The following SCLT1 variants were observed in gnomAD, a reference collection of about 807,000 sequenced individuals.
The protein encoded by SCLT1 is sodium channel and clathrin linker 1, also known as sodium channel-associated protein 1.
Under a neutral mutation model 112.8 loss-of-function variants are expected in SCLT1, and 78 were observed. That is an observed-to-expected ratio of 0.69 (90% CI 0.58 to 0.83). The LOEUF is 0.83. SCLT1 is among the 40% of genes least tolerant of loss of function. The pLI, the probability that SCLT1 is intolerant of heterozygous loss-of-function variation, is 0.00. For synonymous variants in SCLT1, 257 were observed against 254.7 expected, an observed-to-expected ratio of 1.01 and a Z score of -0.09; for missense variants, 747 against 770.4, an observed-to-expected ratio of 0.97 and a Z score of 0.36.
chr4:128,936,116 CT>C (rs11402194), intron 18 of SCLT1, among the ~76,000 whole-genome samples: 1,673 of 150,662 alleles, frequency 0.011, 12 homozygotes, highest in Non-Finnish European at 0.019. Context: ...ACAGTCTATT[CT>C]TTTTTTTTAA....
chr4:129,017,124 T>TA (rs1745060110), intron 5 of SCLT1, among the ~76,000 whole-genome samples: 1 of 152,160 alleles, frequency 6.6e-6, no homozygotes, highest in Non-Finnish European at 1.5e-5. Flanking sequence ...AAATATAGCT[T>TA]AAAAATTTTT....
At chr4:129,050,518 C>G (rs1413211834) in intron 2 of SCLT1, among the ~76,000 whole-genome samples, 1 of 152,126 alleles carries the variant, frequency 6.6e-6, no homozygotes, top group African/African-American at 2.4e-5. Flanking sequence ...TGTTTGTTGG[C>G]AGCATAAATG....
chr4:129,056,405 T>C (rs902758053), intron 2 of SCLT1, among the ~76,000 whole-genome samples: 1 of 152,204 alleles, frequency 6.6e-6, no homozygotes, highest in Non-Finnish European at 1.5e-5. Flanking sequence ...TTTTGGTTAC[T>C]ATAGCTTTAT....
chr4:128,918,079 G>GT (rs1291595120), intron 18 of SCLT1, among the ~76,000 whole-genome samples: 1 of 152,160 alleles, frequency 6.6e-6, no homozygotes, highest in African/African-American at 2.4e-5. Context: ...ACCCTTAGTT[G>GT]AAGTTCTCAC....
chr4:128,942,943 T>A, intron 17 of SCLT1, 53 bp downstream of exon 17: 1 of 1,373,834 alleles, frequency 7.3e-7, no homozygotes, highest in East Asian at 2.3e-5. Flanking sequence ...CTCTAAATAT[T>A]CTCTATACTT....
intron 13 of SCLT1, 138 bp downstream of exon 13, chr4:128,956,888 T>G: frequency 1.9e-6 from 1 of 531,780 alleles, no homozygotes; most frequent in East Asian, 3.2e-5. Flanking sequence ...TTTTAAACAC[T>G]TAGGTTAATA....
intron 17 of SCLT1, among the ~76,000 whole-genome samples, chr4:128,937,809 C>T (rs1421301092): frequency 1.3e-5 from 2 of 152,130 alleles, no homozygotes; most frequent in Non-Finnish European, 1.5e-5. Flanking sequence ...TAAGTAAATG[C>T]TCTTTGGATA....
At chr4:129,054,644 G>A (rs1178969160) in intron 2 of SCLT1, among the ~76,000 whole-genome samples, 1 of 152,052 alleles carries the variant, frequency 6.6e-6, no homozygotes, top group Admixed American at 6.6e-5. Context: ...ATAGTTAGCA[G>A]CTCCTGTAAC....
At chr4:128,981,876 A>T (rs983141498) in intron 9 of SCLT1, among the ~76,000 whole-genome samples, 2 of 152,138 alleles carry the variant, frequency 1.3e-5, no homozygotes, top group East Asian at 1.9e-4. Context: ...AATAATTTGG[A>T]TTATATCCTA....
intron 16 of SCLT1, 85 bp downstream of exon 16, chr4:128,945,922 C>CA (rs899091825): frequency 1.9e-4 from 157 of 846,460 alleles, no homozygotes; most frequent in South Asian, 5.3e-4. Context: ...TAAGTCCTAC[C>CA]AAAAAAAAGA....
At chr4:128,949,244 A>G (rs1738479552) in intron 14 of SCLT1, among the ~76,000 whole-genome samples, 2 of 143,810 alleles carry the variant, frequency 1.4e-5, no homozygotes, top group South Asian at 4.4e-4. Context: ...TTCGTGAGAC[A>G]GGTGCACATG....
chr4:128,916,237 T>G (rs532468797), intron 18 of SCLT1, among the ~76,000 whole-genome samples: 1 of 152,324 alleles, frequency 6.6e-6, no homozygotes, highest in African/African-American at 2.4e-5. Flanking sequence ...TTGGGTATTT[T>G]CAGGTAAGTG....
At chr4:128,912,704 C>G (rs1156264983) in intron 18 of SCLT1, among the ~76,000 whole-genome samples, 1 of 151,996 alleles carries the variant, frequency 6.6e-6, no homozygotes, top group African/African-American at 2.4e-5. Flanking sequence ...TTCCCCTCCT[C>G]CTCTTCCCCT....
At chr4:129,012,356 T>C (rs1744608189) in intron 5 of SCLT1, among the ~76,000 whole-genome samples, 1 of 151,966 alleles carries the variant, frequency 6.6e-6, no homozygotes, top group African/African-American at 2.4e-5. Flanking sequence ...ATTTCTGTTT[T>C]GGCTTCTAAT....
chr4:129,071,854 T>A (rs990759640), intron 2 of SCLT1, among the ~76,000 whole-genome samples: 22 of 152,134 alleles, frequency 1.4e-4, no homozygotes, highest in African/African-American at 5.1e-4. Context: ...CTGTTGCCAG[T>A]GTACTTTGGT....
chr4:128,924,758 G>C (rs539274294), intron 18 of SCLT1, among the ~76,000 whole-genome samples: 2 of 152,148 alleles, frequency 1.3e-5, no homozygotes, highest in East Asian at 3.9e-4. Context: ...GGCGTGGCAC[G>C]TAAGCTCTGA....
rs756720802 is a variant in SCLT1 at position 128,948,604 on chromosome 4, T to C, written c.1219-34A>G. ...TCAAGTCATATTGTAAATATATACATTTGGTAACATCTTAAGAAAAGTGGG... is the reference window on the plus strand; with the variant it reads ...TCAAGTCATATTGTAAATATATACACTTGGTAACATCTTAAGAAAAGTGGG... On this transcript the variant is annotated intron_variant, in intron 14 of 20. Transcript: ENST00000281142. The C allele has an allele frequency of 2.0e-6, 3 of 1,469,728 alleles. No individual in the cohort carries two copies. In the Admixed American group the frequency reaches 5.5e-5, roughly 27 times the overall value. 91.0% of individuals were successfully genotyped at this position (1,469,728 alleles called of 1,614,324 possible). A position where few individuals can be genotyped will look rare whatever the true frequency, so the allele number is the denominator to read the frequency against.
At chr4:128,994,438 C>T (rs1456772093) in intron 8 of SCLT1, among the ~76,000 whole-genome samples, 3 of 152,112 alleles carry the variant, frequency 2.0e-5, no homozygotes, top group South Asian at 4.1e-4. Flanking sequence ...AGGTTGTTTT[C>T]GTATCTTGGC....
intron 18 of SCLT1, among the ~76,000 whole-genome samples, chr4:128,932,720 C>T (rs1736871516): frequency 6.6e-6 from 1 of 151,988 alleles, no homozygotes; most frequent in African/African-American, 2.4e-5. Context: ...CCCTAAAGAC[C>T]TCATCAAAAA....
Sources: gnomAD v4.1 joint callset for allele counts (sites outside exome capture counted in the v4.1 genomes callset) on GRCh38, gnomAD v4.1.1 for gene constraint, MANE v1.5 for transcripts, NCBI Gene and HGNC (gene_info 2026-07-23, HGNC 2026-07-21) for gene names.